TASOR: variants seen among roughly 807,000 people sequenced by gnomAD.
The protein encoded by TASOR is protein TASOR.
In TASOR, 53 loss-of-function variants were observed where a neutral mutation model predicts 178.6. The ratio of observed to expected loss-of-function variants is 0.30; its 90% CI spans 0.24 to 0.37. TASOR has a LOEUF of 0.37. Among genes scored for constraint, TASOR ranks in the 10% least tolerant of loss-of-function variants. The probability of loss-of-function intolerance (pLI) is 1.00; values close to 1 mark genes in which losing one functional copy is unlikely to be tolerated. For missense variants in TASOR, 1,815 were observed against 1,971.4 expected (o/e 0.92, Z 1.50); for synonymous variants, 713 against 696.2 (o/e 1.02, Z -0.38).
chr3:56,640,147 A>G lies in TASOR; in HGVS notation c.2620-17T>C. 6.2e-7 allele frequency: 1 copy of G among 1,607,168 alleles called. No homozygotes were observed. Among genetic ancestry groups the G allele is most frequent in the South Asian group, 1.1e-5 (1 of 89,734 alleles). The stretch of plus-strand genomic sequence containing the variant: ...ATTTGGATCCTAAAAATCAAAGTAC[A>G]CACTGAATAGCTTTATTTCCAATTC... On this transcript the variant is annotated splice_polypyrimidine_tract_variant and intron_variant, in intron 15 of 23. Transcript: ENST00000683822.
At chr3:56,649,590 G>A (rs898879055) in intron 11 of TASOR, among the ~76,000 whole-genome samples, 3 of 152,210 alleles carry the variant, frequency 2.0e-5, no homozygotes, top group Non-Finnish European at 4.4e-5. Flanking sequence ...CCTTGATCAC[G>A]AGAAGTTTAT....
intron 1 of TASOR, among the ~76,000 whole-genome samples, chr3:56,673,938 G>T (rs1024458695): frequency 1.3e-5 from 2 of 152,042 alleles, no homozygotes; most frequent in African/African-American, 2.4e-5. Context: ...CAACAATGAG[G>T]ATCTGGCATT....
intron 11 of TASOR, among the ~76,000 whole-genome samples, chr3:56,655,197 G>A (rs763133121): frequency 2.0e-5 from 3 of 152,028 alleles, no homozygotes; most frequent in Admixed American, 1.3e-4. Flanking sequence ...ATGTTATAAG[G>A]CTTTTTTTTC....
At chr3:56,680,510 C>G (rs1457053015) in intron 1 of TASOR, among the ~76,000 whole-genome samples, 1 of 152,100 alleles carries the variant, frequency 6.6e-6, no homozygotes, top group African/African-American at 2.4e-5. Context: ...TGGAAAAGCA[C>G]AGTCACAAGA....
At chr3:56,635,070 G>T (rs938171135) in intron 17 of TASOR, among the ~76,000 whole-genome samples, 1 of 152,128 alleles carries the variant, frequency 6.6e-6, no homozygotes, top group Non-Finnish European at 1.5e-5. Context: ...AGAAAGTCCA[G>T]GTACAGGTAG....
intron 2 of TASOR, among the ~76,000 whole-genome samples, chr3:56,672,108 G>A (rs1170859637): frequency 6.6e-6 from 1 of 152,126 alleles, no homozygotes; most frequent in Non-Finnish European, 1.5e-5. Context: ...CTCTGTAACT[G>A]TATTCTCAAT....
Position 56,623,197 on chromosome 3 carries a change from G to A in TASOR, c.4853C>T (p.Thr1618Ile). 1 of 1,613,650 alleles carries A rather than the reference G, an allele frequency of 6.2e-7. No individual in the cohort carries two copies. The highest frequency in any genetic ancestry group is 8.5e-7 in the Non-Finnish European group (1 of 1,179,868). Reference sequence around the variant, plus strand: ...AAGGGCATATGGTGTCCCCAAAAATGTCTGATGAGTGAGAACATTAAAATG... The same window carrying A: ...AAGGGCATATGGTGTCCCCAAAAATATCTGATGAGTGAGAACATTAAAATG... ...FSHFNVLTHQ[T>I]FLGTPYALSS... Residue 1618 changes from threonine (T) to isoleucine (I), a missense_variant, in exon 24 of 24, where the codon ACA becomes ATA. Transcript: ENST00000683822.
At chr3:56,673,359 G>A (rs2030925763) in intron 2 of TASOR, among the ~76,000 whole-genome samples, 1 of 149,288 alleles carries the variant, frequency 6.7e-6, no homozygotes, top group Non-Finnish European at 1.5e-5. Flanking sequence ...TTGAACCAGG[G>A]AGGCAGAGGC....
In TASOR at chr3:56,662,998, G is replaced by A. The variant is rs954309964; in HGVS notation, c.1055-508C>T. Among the ~76,000 whole-genome samples, 8 of 152,222 alleles carry A rather than the reference G, an allele frequency of 5.3e-5. 1 individual carries two copies. The highest frequency in any genetic ancestry group is 1.3e-4 in the Admixed American group (2 of 15,278). The stretch of plus-strand genomic sequence containing the variant: ...GTTCGAGACCAGCCTGGCCAACTTG[G>A]TGAAACCCCAACTCTACTAAAAATA... On this transcript the variant is annotated intron_variant, in intron 8 of 23. Coordinates refer to ENST00000683822, the MANE Select transcript of TASOR (RefSeq NM_001365635.2).
chr3:56,644,396 G>A (rs1037269686), intron 14 of TASOR, among the ~76,000 whole-genome samples: 1 of 152,134 alleles, frequency 6.6e-6, no homozygotes, highest in Non-Finnish European at 1.5e-5. Context: ...TAAACTAGAG[G>A]AGACCATTAA....
chr3:56,648,986 A>G lies in TASOR; in HGVS notation c.1440T>C (p.Tyr480=), dbSNP rs777524412. 2 of 1,607,488 alleles carry G rather than the reference A, an allele frequency of 1.2e-6. No individual in the cohort carries two copies. The highest frequency in any genetic ancestry group is 1.7e-6 in the Non-Finnish European group (2 of 1,177,944). The change falls in exon 12 of 24, where the codon TAT becomes TAC. Residue 480 remains tyrosine, a splice_region_variant and synonymous_variant. Coordinates refer to ENST00000683822, the MANE Select transcript of TASOR (RefSeq NM_001365635.2). ...LLSPYQMVPP[Y]EYQTAKSRVL... ...ATTTATTAAAGAGAGACCACCTACC[A>G]TATGGAGGAACCATCTGATAAGGGG...
rs2076766140 is a variant in TASOR at position 56,624,992 on chromosome 3, G to A, written c.4154C>T (p.Ala1385Val). ...LKELGRLNAK[A>V]LSLLTLLNVY... ...ATTCAGAAGCGTCAACAGACTTAGA[G>A]CTTTAGCATTCAATCTGTGAAATTA... Residue 1385 changes from alanine to valine, a missense_variant, in exon 22 of 24, where the codon GCT (alanine) becomes GTT (valine). Ala to Val is a moderately conservative substitution (Grantham distance 64, BLOSUM62 0). This residue lies in a region of TASOR where 134 missense variants were observed against 195.2 expected (regional missense o/e 0.69). Transcript: ENST00000683822. The A allele has an allele frequency of 1.2e-6, 2 of 1,613,918 alleles. No homozygotes were observed. Among genetic ancestry groups the A allele is most frequent in the Non-Finnish European group, 1.7e-6 (2 of 1,179,928 alleles).
intron 18 of TASOR, 40 bp from the exon 19 acceptor site, chr3:56,628,654 C>T (rs753306030): frequency 1.5e-6 from 2 of 1,346,930 alleles, no homozygotes; most frequent in Non-Finnish European, 2.1e-6. Flanking sequence ...TAAAATACTT[C>T]TTTGTAAACA....
At chr3:56,674,490 G>A (rs1188953041) in intron 1 of TASOR, among the ~76,000 whole-genome samples, 1 of 151,998 alleles carries the variant, frequency 6.6e-6, no homozygotes, top group Non-Finnish European at 1.5e-5. Context: ...GTCTGGGAGT[G>A]AGAGAGAGAC....
intron 11 of TASOR, among the ~76,000 whole-genome samples, chr3:56,660,053 G>C (rs952691720): frequency 5.3e-5 from 8 of 151,746 alleles, no homozygotes; most frequent in Non-Finnish European, 1.0e-4. Context: ...AGTAGAGACA[G>C]GGTTTCTCCA....
chr3:56,621,642 A>G lies in TASOR; in HGVS notation c.*1395T>C. 12 of 1,510,514 alleles carry G rather than the reference A, an allele frequency of 7.9e-6. No homozygotes were observed. The highest frequency in any genetic ancestry group is 1.1e-5 in the Non-Finnish European group (12 of 1,098,530). 93.6% of individuals were successfully genotyped at this position (1,510,514 alleles called of 1,614,324 possible). A position where few individuals can be genotyped will look rare whatever the true frequency, so the allele number is the denominator to read the frequency against. ...AAATGTAGAAAATCAAATCCTTCAC[A>G]TTTGATTTGTGTCTTCCAAATTATA... On this transcript the variant is annotated 3_prime_UTR_variant, in exon 24 of 24. Transcript: ENST00000683822.
At chr3:56,652,700 C>G (rs1302472922) in intron 11 of TASOR, among the ~76,000 whole-genome samples, 4 of 152,142 alleles carry the variant, frequency 2.6e-5, no homozygotes, top group Non-Finnish European at 5.9e-5. Context: ...TCACTAAATA[C>G]TTCTGAAAGA....
rs376995316 is a variant in TASOR, at chr3:56,656,464, G to A, written c.1368+4267C>T. ...AAATTAGCCAGGTATGGTGTTGCAC[G>A]CCTGTAGTCCCAGCTACTCAGGAGG... On this transcript the variant is annotated intron_variant, in intron 11 of 23. Coordinates refer to ENST00000683822, the MANE Select transcript of TASOR (RefSeq NM_001365635.2). Among the ~76,000 whole-genome samples, 4 of 151,884 alleles carry A rather than the reference G, an allele frequency of 2.6e-5. No individual in the cohort carries two copies. The East Asian group carries it at 5.8e-4, about 22-fold the overall frequency.
At chr3:56,627,172 T>C in intron 20 of TASOR, 27 bp from the exon 21 acceptor site, 1 of 1,303,682 alleles carries the variant, frequency 7.7e-7, no homozygotes, top group Non-Finnish European at 1.1e-6. Flanking sequence ...AGTTTGTTTT[T>C]AATTCAATAA....
Sources: gnomAD v4.1 joint callset for allele counts (sites outside exome capture counted in the v4.1 genomes callset) on GRCh38, gnomAD v4.1.1 for gene constraint, gnomAD v4.1.1 regional missense constraint, MANE v1.5 for transcripts, NCBI Gene and HGNC (gene_info 2026-07-23, HGNC 2026-07-21) for gene names.